C10orf143: variants seen among roughly 807,000 people sequenced by gnomAD.
C10orf143 encodes uncharacterized protein C10orf143.
At chr10:130,050,833 G>A (rs1400414146) in intron 3 of C10orf143, among the ~76,000 whole-genome samples, 1 of 152,202 alleles carries the variant, frequency 6.6e-6, no homozygotes, top group African/African-American at 2.4e-5. Flanking sequence ...TCTCCGTCTG[G>A]GGTCAGTTCC....
downstream of C10orf143, among the ~76,000 whole-genome samples, chr10:130,060,169 C>A (rs1329259791): frequency 6.6e-6 from 1 of 152,010 alleles, no homozygotes; most frequent in Non-Finnish European, 1.5e-5. Context: ...GTGCAAAGTG[C>A]TCCATGCTAA....
At chr10:130,078,530 C>T (rs533035340) in intron 3 of C10orf143, among the ~76,000 whole-genome samples, 1 of 152,186 alleles carries the variant, frequency 6.6e-6, no homozygotes, top group Non-Finnish European at 1.5e-5. Context: ...TAGAATGCAA[C>T]ATAACCTATG....
At chr10:130,050,487 G>A (rs1008694789) in intron 3 of C10orf143, among the ~76,000 whole-genome samples, 3 of 152,140 alleles carry the variant, frequency 2.0e-5, no homozygotes, top group Non-Finnish European at 4.4e-5. Context: ...TTGCTCCACC[G>A]CACTCCAGCC....
intron 1 of C10orf143, among the ~76,000 whole-genome samples, chr10:130,100,461 C>T (rs907482155): frequency 6.6e-6 from 1 of 151,898 alleles, no homozygotes; most frequent in Non-Finnish European, 1.5e-5. Flanking sequence ...ACCTGGGAGG[C>T]GAAGGTTGCA....
At chr10:130,108,938 G>C (rs952900522) in intron 1 of C10orf143, among the ~76,000 whole-genome samples, 1 of 152,148 alleles carries the variant, frequency 6.6e-6, no homozygotes, top group Admixed American at 6.5e-5. Context: ...GGCCTAACAG[G>C]AGCTCTTCAT....
chr10:130,069,916 T>C (rs1861003115), intron 3 of C10orf143, among the ~76,000 whole-genome samples: 1 of 152,176 alleles, frequency 6.6e-6, no homozygotes, highest in South Asian at 2.1e-4. Context: ...CGAGCAGAAG[T>C]GCTAATAGCA....
At chr10:130,089,774 G>C (rs989353032) in intron 1 of C10orf143, among the ~76,000 whole-genome samples, 2 of 152,150 alleles carry the variant, frequency 1.3e-5, no homozygotes, top group Non-Finnish European at 2.9e-5. Context: ...AATGATCTTT[G>C]ACAAGGGTGC....
At chr10:130,091,467 C>T (rs962250829) in intron 1 of C10orf143, among the ~76,000 whole-genome samples, 1 of 152,172 alleles carries the variant, frequency 6.6e-6, no homozygotes, top group African/African-American at 2.4e-5. Flanking sequence ...GAAAAACCAG[C>T]ACAAAAAGGC....
At chr10:130,105,778 C>A (rs1470438671) in intron 1 of C10orf143, among the ~76,000 whole-genome samples, 1 of 152,184 alleles carries the variant, frequency 6.6e-6, no homozygotes, top group Non-Finnish European at 1.5e-5. Flanking sequence ...CCCACCTCCC[C>A]ACGGCTGCCT....
chr10:130,088,724 C>T (rs1861332634), intron 1 of C10orf143, among the ~76,000 whole-genome samples: 1 of 152,120 alleles, frequency 6.6e-6, no homozygotes, highest in South Asian at 2.1e-4. Context: ...ACAGGTAATG[C>T]TGGATGGAAC....
rs7922787 is a variant in C10orf143, at chr10:130,064,041, A to G, written c.*313T>C. ...AGTGCCCAAGCTCATAGGAAGTTTG[A>G]TACAAAATTTTTTGACTTGTAAATA... On this transcript the variant is annotated 3_prime_UTR_variant, in exon 4 of 4. Coordinates refer to ENST00000637128, the MANE Select transcript of C10orf143 (RefSeq NM_001355042.2). 6,485 of 260,376 alleles carry G rather than the reference A, an allele frequency of 0.025. 361 individuals carry two copies. Among genetic ancestry groups the G allele is most frequent in the African/African-American group, 0.13 (5,921 of 45,616 alleles). 16.1% of individuals were successfully genotyped at this position (260,376 alleles called of 1,614,324 possible). A position where few individuals can be genotyped will look rare whatever the true frequency, so the allele number is the denominator to read the frequency against.
intron 3 of C10orf143, among the ~76,000 whole-genome samples, chr10:130,048,318 G>C (rs2134729720): frequency 6.6e-6 from 1 of 152,300 alleles, no homozygotes; most frequent in South Asian, 2.1e-4. Context: ...CAGAGGGTAA[G>C]AGCCCCAGTC....
At chr10:130,099,668 C>G (rs941346402) in intron 1 of C10orf143, among the ~76,000 whole-genome samples, 6 of 151,648 alleles carry the variant, frequency 4.0e-5, no homozygotes, top group African/African-American at 1.2e-4. Flanking sequence ...TCCTGCATAG[C>G]TGGGGACTAC....
downstream of C10orf143, among the ~76,000 whole-genome samples, chr10:130,061,730 G>T (rs569508122): frequency 1.3e-5 from 2 of 152,308 alleles, no homozygotes; most frequent in Non-Finnish European, 2.9e-5. Context: ...CTCGTCATGG[G>T]TGCATCAAGA....
At chr10:130,061,915 G>A (rs1424489574), downstream of C10orf143, among the ~76,000 whole-genome samples, 1 of 152,022 alleles carries the variant, frequency 6.6e-6, no homozygotes, top group African/African-American at 2.4e-5. Context: ...TGTGGCCAGG[G>A]ATGACTCTGG....
At chr10:130,076,957 C>T (rs1206624077) in intron 3 of C10orf143, among the ~76,000 whole-genome samples, 3 of 152,110 alleles carry the variant, frequency 2.0e-5, no homozygotes, top group Non-Finnish European at 2.9e-5. Context: ...CAGGAGCGGA[C>T]GCCCTGATGC....
intron 3 of C10orf143, among the ~76,000 whole-genome samples, chr10:130,042,755 T>A (rs767417109): frequency 1.3e-5 from 2 of 152,168 alleles, no homozygotes; most frequent in Non-Finnish European, 2.9e-5. Context: ...GTATAGCCAG[T>A]GTGAGAAAGG....
intron 1 of C10orf143, among the ~76,000 whole-genome samples, chr10:130,093,934 C>T (rs931781573): frequency 2.6e-5 from 4 of 151,128 alleles, no homozygotes; most frequent in Admixed American, 6.6e-5. Context: ...GGCATGAACC[C>T]GGGAGGCGGA....
At chr10:130,097,753 C>CT (rs71007593) in intron 1 of C10orf143, among the ~76,000 whole-genome samples, 87,756 of 151,936 alleles carry the variant, frequency 0.58, 26,771 homozygotes, top group Admixed American at 0.7. Flanking sequence ...CTGATCTATG[C>CT]TTTATCTGGA....
Sources: allele counts gnomAD v4.1 joint callset (sites outside exome capture counted in the v4.1 genomes callset), GRCh38; gene constraint gnomAD v4.1.1; transcripts MANE v1.5; gene names NCBI Gene and HGNC (gene_info 2026-07-23, HGNC 2026-07-21).